ZBTB8A: variants seen among roughly 807,000 people sequenced by gnomAD.
ZBTB8A encodes zinc finger and BTB domain-containing protein 8A.
In ZBTB8A, 19 loss-of-function variants were observed where a neutral mutation model predicts 37.8. The observed-to-expected ratio is 0.50, with a 90% CI of 0.35 to 0.74. ZBTB8A has a LOEUF of 0.74. ZBTB8A is among the 30% of genes least tolerant of loss of function. The pLI, the probability that ZBTB8A is intolerant of heterozygous loss-of-function variation, is 0.01. For missense variants in ZBTB8A, 394 were observed against 537.8 expected, an observed-to-expected ratio of 0.73 and a Z score of 2.65; for synonymous variants, 181 against 185.2, an observed-to-expected ratio of 0.98 and a Z score of 0.19.
At chr1:32,542,992 C>G (rs986401167) in intron 1 of ZBTB8A, among the ~76,000 whole-genome samples, 1 of 152,110 alleles carries the variant, frequency 6.6e-6, no homozygotes, top group African/African-American at 2.4e-5. Flanking sequence ...CTCAAGAGTA[C>G]TACTATGAAT....
In ZBTB8A at chr1:32,555,643, C is replaced by T. The variant is rs927829030; in HGVS notation, c.-2+2103C>T. Among the ~76,000 whole-genome samples, 3 of 152,270 alleles carry T rather than the reference C, an allele frequency of 2.0e-5. No homozygotes were observed. The East Asian group carries it at 5.8e-4, about 29-fold the overall frequency. On this transcript the variant is annotated intron_variant, in intron 2 of 4. Coordinates refer to ENST00000373510, the MANE Select transcript of ZBTB8A (RefSeq NM_001040441.3). ...CAATCCTCCAGGTTCCCCTCTCAGC[C>T]CATGCTTCCTCTGAGCCCCTTCATT...
chr1:32,589,234 G>C (rs1557715679), intron 2 of ZBTB8A, among the ~76,000 whole-genome samples: 1 of 151,956 alleles, frequency 6.6e-6, no homozygotes, highest in Non-Finnish European at 1.5e-5. Flanking sequence ...GGCTGAAGGG[G>C]AAGTTTTTGT....
At chr1:32,550,538 C>T (rs1644143761) in intron 1 of ZBTB8A, among the ~76,000 whole-genome samples, 1 of 152,096 alleles carries the variant, frequency 6.6e-6, no homozygotes, top group African/African-American at 2.4e-5. Flanking sequence ...AGCATCAGCT[C>T]CCTTGAACCT....
chr1:32,545,480 G>A (rs532851874), intron 1 of ZBTB8A, among the ~76,000 whole-genome samples: 9 of 152,218 alleles, frequency 5.9e-5, no homozygotes, highest in Non-Finnish European at 7.4e-5. Context: ...AAAAGGAAAC[G>A]AATGCTTAGA....
At chr1:32,597,741 T>TTTTG (rs761330427) in intron 4 of ZBTB8A, among the ~76,000 whole-genome samples, 14 of 152,082 alleles carry the variant, frequency 9.2e-5, no homozygotes, top group South Asian at 6.2e-4. Flanking sequence ...ATACCCATAG[T>TTTTG]TTTGTTTGTT....
intron 1 of ZBTB8A, among the ~76,000 whole-genome samples, chr1:32,551,984 G>C (rs1278913680): frequency 6.6e-6 from 1 of 152,054 alleles, no homozygotes; most frequent in Non-Finnish European, 1.5e-5. Flanking sequence ...TGGAGGAAAA[G>C]AGCAATAGGA....
At position 32,540,584 on chromosome 1, in the gene ZBTB8A, CTGCCTTCCCTCCT is replaced by C. The variant is rs374101184; in HGVS notation, c.-84+1013_-84+1025del. On this transcript the variant is annotated intron_variant, in intron 1 of 4. Coordinates refer to ENST00000373510, the MANE Select transcript of ZBTB8A (RefSeq NM_001040441.3). ...CCGCCCAGGGCCTCCTGTTCCCGCC[CTGCCTTCCCTCCT>C]AAGGCACCTCCAGAGGAGTCTTTAG... Among the ~76,000 whole-genome samples the C allele has an allele frequency of 5.1e-3, 779 of 152,256 alleles. 6 individuals are homozygous for C. The highest frequency in any genetic ancestry group is 0.017 in the African/African-American group (699 of 41,550).
At chr1:32,557,399 G>T (rs1287269067) in intron 2 of ZBTB8A, among the ~76,000 whole-genome samples, 3 of 152,142 alleles carry the variant, frequency 2.0e-5, no homozygotes, top group Non-Finnish European at 4.4e-5. Context: ...GGCAAATAAT[G>T]CTAAATGTAA....
intron 4 of ZBTB8A, among the ~76,000 whole-genome samples, chr1:32,596,525 G>C (rs1644533037): frequency 6.6e-6 from 1 of 152,094 alleles, no homozygotes; most frequent in South Asian, 2.1e-4. Flanking sequence ...AGGTTACAGT[G>C]AGCTGAGATC....
chr1:32,566,353 TA>T (rs1644279308), intron 2 of ZBTB8A, among the ~76,000 whole-genome samples: 3 of 151,400 alleles, frequency 2.0e-5, no homozygotes, highest in Admixed American at 6.6e-5. Flanking sequence ...ATATCTACAA[TA>T]AAAAGAAAAA....
intron 1 of ZBTB8A, among the ~76,000 whole-genome samples, chr1:32,545,192 T>C (rs1476246240): frequency 6.6e-6 from 1 of 152,140 alleles, no homozygotes. Context: ...AAAAAATTAT[T>C]ATATCTCTGG....
At chr1:32,585,720 A>G (rs1400922859) in intron 2 of ZBTB8A, among the ~76,000 whole-genome samples, 1 of 152,106 alleles carries the variant, frequency 6.6e-6, no homozygotes, top group Non-Finnish European at 1.5e-5. Flanking sequence ...TGTTACTTGA[A>G]GCCAGCCCTG....
Position 32,576,509 on chromosome 1 carries a change from ACCT to A in ZBTB8A, c.-1-16419_-1-16417del, listed in dbSNP as rs574940231. On this transcript the variant is annotated intron_variant, in intron 2 of 4. Coordinates refer to ENST00000373510, the MANE Select transcript of ZBTB8A (RefSeq NM_001040441.3). The stretch of plus-strand genomic sequence containing the variant: ...AATGGCGCAATCTTGGCTCACTGTA[ACCT>A]CCACCTCCCAAGTTCAAGCGATTCT... Among the ~76,000 whole-genome samples, 533 of 151,978 alleles carry A rather than the reference ACCT, an allele frequency of 3.5e-3. 3 individuals carry two copies. The highest frequency in any genetic ancestry group is 0.012 in the African/African-American group (508 of 41,446).
intron 1 of ZBTB8A, among the ~76,000 whole-genome samples, chr1:32,551,109 T>G (rs1323275240): frequency 6.6e-6 from 1 of 152,122 alleles, no homozygotes; most frequent in East Asian, 1.9e-4. Flanking sequence ...TAGGGCTAGG[T>G]GACAGATGAG....
chr1:32,577,911 A>T (rs1557711265), intron 2 of ZBTB8A, among the ~76,000 whole-genome samples: 1 of 149,002 alleles, frequency 6.7e-6, no homozygotes, highest in East Asian at 2.0e-4. Flanking sequence ...ATTTCTATAA[A>T]TTTTTTTTTT....
chr1:32,594,947 A>T, intron 3 of ZBTB8A, 107 bp from the exon 4 acceptor site: 2 of 1,119,224 alleles, frequency 1.8e-6, no homozygotes, highest in Non-Finnish European at 1.2e-6. Flanking sequence ...TTTTTTTTTA[A>T]GTTTATTTTT....
chr1:32,583,892 C>G (rs572521902), intron 2 of ZBTB8A, among the ~76,000 whole-genome samples: 1 of 152,026 alleles, frequency 6.6e-6, no homozygotes, highest in East Asian at 1.9e-4. Flanking sequence ...TACAGAGGCC[C>G]GCCACCATGC....
At chr1:32,589,543 G>A (rs1010063744) in intron 2 of ZBTB8A, among the ~76,000 whole-genome samples, 6 of 148,690 alleles carry the variant, frequency 4.0e-5, no homozygotes, top group African/African-American at 1.0e-4. Context: ...GAGCCACCGC[G>A]CCCAGCCTGT....
At chr1:32,592,384 AAC>A (rs1445861298) in intron 2 of ZBTB8A, among the ~76,000 whole-genome samples, 3 of 147,584 alleles carry the variant, frequency 2.0e-5, no homozygotes, top group African/African-American at 7.7e-5. Flanking sequence ...AAAACAAAAA[AAC>A]AAAAAAAAAC....
Sources: gnomAD v4.1 joint callset for allele counts (sites outside exome capture counted in the v4.1 genomes callset) on GRCh38, gnomAD v4.1.1 for gene constraint, MANE v1.5 for transcripts, NCBI Gene and HGNC (gene_info 2026-07-23, HGNC 2026-07-21) for gene names.